AFDN: variants seen among roughly 807,000 people sequenced by gnomAD.
AFDN encodes afadin.
In AFDN, 68 loss-of-function variants were observed where a neutral mutation model predicts 216.6. The ratio of observed to expected loss-of-function variants is 0.31; its 90% CI spans 0.26 to 0.38. The LOEUF (loss-of-function observed/expected upper bound fraction) is 0.38. AFDN is among the 10% of genes least tolerant of loss of function. The probability of loss-of-function intolerance (pLI) is 1.00; values close to 1 mark genes in which losing one functional copy is unlikely to be tolerated. For missense variants in AFDN, 2,136 were observed against 2,342.0 expected (o/e 0.91, Z 1.82); for synonymous variants, 868 against 853.7 (o/e 1.02, Z -0.29).
chr6:167,891,404 G>GGGGTGTGTGTGTGTGT (rs1350794338), intron 8 of AFDN, among the ~76,000 whole-genome samples: 2 of 138,070 alleles, frequency 1.4e-5, no homozygotes, highest in African/African-American at 2.9e-5. Context: ...TTCATAAAGG[G>GGGGTGTGTGTGTGTGT]GTGGGTGTGT....
At chr6:167,851,726 T>C (rs913864359) in intron 1 of AFDN, among the ~76,000 whole-genome samples, 1 of 152,190 alleles carries the variant, frequency 6.6e-6, no homozygotes, top group African/African-American at 2.4e-5. Context: ...TTTTACCCAA[T>C]GTCTGGCTGT....
At chr6:167,893,160 C>A (rs1015203498) in intron 8 of AFDN, among the ~76,000 whole-genome samples, 1 of 152,126 alleles carries the variant, frequency 6.6e-6, no homozygotes, top group Non-Finnish European at 1.5e-5. Context: ...TTAAGGGTGA[C>A]CTAAGGGTTG....
chr6:167,855,231 A>G (rs1405545721), intron 1 of AFDN, among the ~76,000 whole-genome samples: 1 of 152,132 alleles, frequency 6.6e-6, no homozygotes, highest in African/African-American at 2.4e-5. Flanking sequence ...AAATGAATAC[A>G]GTTGTGATAA....
At chr6:167,929,724 T>G (rs1793048216) in intron 23 of AFDN, among the ~76,000 whole-genome samples, 1 of 152,220 alleles carries the variant, frequency 6.6e-6, no homozygotes, top group South Asian at 2.1e-4. Flanking sequence ...AAGGCCCTGC[T>G]CTTCCCTTTG....
Position 167,948,471 on chromosome 6 carries a change from C to T in AFDN, c.3824C>T (p.Ala1275Val), listed in dbSNP as rs371320489. 4 of 1,613,140 alleles carry T rather than the reference C, an allele frequency of 2.5e-6. No homozygotes were observed. The highest frequency in any genetic ancestry group is 3.4e-6 in the Non-Finnish European group (4 of 1,179,502). The change falls in exon 29 of 34, where the codon GCA becomes GTA. Residue 1275 changes from alanine (A) to valine (V), a missense_variant. This residue lies in a region of AFDN where 981 missense variants were observed against 966.0 expected (regional missense o/e 1.02). Transcript: ENST00000683244. ...MHTDSNHSSI[A>V]IQRVTRSQEE... Reference sequence around the variant, plus strand: ...ACAGATAGTAATCATTCCAGTATTGCAATTCAGGTTAGAAATCAAAGATTC... The same window carrying T: ...ACAGATAGTAATCATTCCAGTATTGTAATTCAGGTTAGAAATCAAAGATTC...
chr6:167,933,288 T>C lies in AFDN; in HGVS notation c.3099+8197T>C, dbSNP rs146023507. Among the ~76,000 whole-genome samples, 180 of 152,370 alleles carry C rather than the reference T, an allele frequency of 1.2e-3. 3 individuals are homozygous for C. Among genetic ancestry groups the C allele is most frequent in the African/African-American group, 4.2e-3 (176 of 41,584 alleles). ...TTCAAGTTTATGCTTTTAGACAATG[T>C]ACTGATTTAAAGTTTTAAAATCTTA... On this transcript the variant is annotated intron_variant, in intron 23 of 33. Transcript: ENST00000683244.
At chr6:167,888,464 G>A (rs1377322389) in intron 6 of AFDN, among the ~76,000 whole-genome samples, 1 of 152,150 alleles carries the variant, frequency 6.6e-6, no homozygotes, top group Non-Finnish European at 1.5e-5. Context: ...TTAGCAGTGT[G>A]TTAGAGTGAA....
intron 5 of AFDN, 100 bp from the exon 6 acceptor site, chr6:167,880,260 A>G (rs1481637942): frequency 9.3e-7 from 1 of 1,074,446 alleles, no homozygotes; most frequent in Non-Finnish European, 1.4e-6. Flanking sequence ...CATTTTAGCT[A>G]GAATGCAGGT....
chr6:167,882,345 G>A (rs1301697125), intron 6 of AFDN, among the ~76,000 whole-genome samples: 1 of 152,074 alleles, frequency 6.6e-6, no homozygotes, highest in East Asian at 1.9e-4. Context: ...GATTATTAGT[G>A]TAGAATATTT....
chr6:167,911,187 CAA>C (rs764857303), intron 14 of AFDN, 25 bp downstream of exon 14: 13 of 1,608,520 alleles, frequency 8.1e-6, no homozygotes, highest in Non-Finnish European at 1.1e-5. Flanking sequence ...ATTTCATTGT[CAA>C]TGAATTATTT....
chr6:167,833,413 T>C (rs1214972909), intron 1 of AFDN, among the ~76,000 whole-genome samples: 1 of 152,192 alleles, frequency 6.6e-6, no homozygotes, highest in Non-Finnish European at 1.5e-5. Context: ...GGGTGTTTTA[T>C]TGGCTGAGTG....
chr6:167,841,643 T>C (rs1781085305), intron 1 of AFDN, among the ~76,000 whole-genome samples: 1 of 152,220 alleles, frequency 6.6e-6, no homozygotes, highest in Admixed American at 6.5e-5. Context: ...TCATAGTTTT[T>C]TCGGTATCCT....
At chr6:167,880,845 A>T (rs1465894710) in intron 6 of AFDN, among the ~76,000 whole-genome samples, 1 of 152,206 alleles carries the variant, frequency 6.6e-6, no homozygotes, top group Non-Finnish European at 1.5e-5. Flanking sequence ...CTTTTTACCA[A>T]TACCAAGCTG....
At chr6:167,910,613 AAGG>A (rs1210912081) in intron 13 of AFDN, among the ~76,000 whole-genome samples, 1 of 152,204 alleles carries the variant, frequency 6.6e-6, no homozygotes, top group Non-Finnish European at 1.5e-5. Flanking sequence ...GTAATGGCTG[AAGG>A]AGACTTGCCG....
chr6:167,889,352 TAC>T (rs769866052), intron 7 of AFDN, 26 bp downstream of exon 7: 1 of 1,457,360 alleles, frequency 6.9e-7, no homozygotes, highest in South Asian at 1.1e-5. Context: ...AAGGATTACT[TAC>T]ACCAGATTCC....
intron 17 of AFDN, 143 bp from the exon 18 acceptor site, chr6:167,914,501 C>G (rs766079867): frequency 3.8e-5 from 34 of 888,122 alleles, no homozygotes; most frequent in Non-Finnish European, 5.4e-5. Context: ...ATACTGAATT[C>G]AGTGAGCTAT....
chr6:167,847,239 T>A (rs1312639636), intron 1 of AFDN, among the ~76,000 whole-genome samples: 1 of 152,164 alleles, frequency 6.6e-6, no homozygotes, highest in East Asian at 1.9e-4. Context: ...CCTCAGGGTC[T>A]GATCCCAATA....
chr6:167,926,751 T>C lies in AFDN; in HGVS notation c.3099+1660T>C, dbSNP rs142583743. The stretch of plus-strand genomic sequence containing the variant: ...TTGCAAGGACTTGCTGGCAGCTCAC[T>C]CTGCTCATCTCTGTCCCCTAAATCA... On this transcript the variant is annotated intron_variant, in intron 23 of 33. Transcript: ENST00000683244. Among the ~76,000 whole-genome samples the C allele has an allele frequency of 4.9e-4, 74 of 152,334 alleles. 1 individual carries two copies. In the East Asian group the frequency reaches 0.014, roughly 29 times the overall value.
chr6:167,914,781 C>A, intron 18 of AFDN, 43 bp downstream of exon 18: 1 of 1,349,668 alleles, frequency 7.4e-7, no homozygotes, highest in Non-Finnish European at 1.1e-6. Context: ...CCGCTTCCTT[C>A]ACGTTTAGCA....
Sources: gnomAD v4.1 joint callset for allele counts (sites outside exome capture counted in the v4.1 genomes callset) on GRCh38, gnomAD v4.1.1 for gene constraint, gnomAD v4.1.1 regional missense constraint, MANE v1.5 for transcripts, NCBI Gene and HGNC (gene_info 2026-07-23, HGNC 2026-07-21) for gene names.